SF3B3: variants seen among roughly 807,000 people sequenced by gnomAD.
The protein encoded by SF3B3 is splicing factor 3b subunit 3.
Under a neutral mutation model 139.2 loss-of-function variants are expected in SF3B3, and 33 were observed. That is an observed-to-expected ratio of 0.24 (90% CI 0.18 to 0.32). The LOEUF (loss-of-function observed/expected upper bound fraction) is 0.32. SF3B3 is among the 10% of genes least tolerant of loss of function. The probability of loss-of-function intolerance (pLI) is 1.00; values close to 1 mark genes in which losing one functional copy is unlikely to be tolerated. For missense variants in SF3B3, 818 were observed against 1,509.4 expected (o/e 0.54, Z 7.59); for synonymous variants, 596 against 563.6 (o/e 1.06, Z -0.81).
intron 10 of SF3B3, 113 bp downstream of exon 10, chr16:70,544,646 G>A (rs1346403296): frequency 5.9e-6 from 4 of 672,336 alleles, no homozygotes; most frequent in Middle Eastern, 2.6e-4. Context: ...CTGTGAAAAA[G>A]TATGTTCTTT....
chr16:70,567,869 T>G (rs1005317566), intron 21 of SF3B3, among the ~76,000 whole-genome samples: 3 of 152,164 alleles, frequency 2.0e-5, no homozygotes, highest in Non-Finnish European at 4.4e-5. Flanking sequence ...GTATCTTTAG[T>G]AGAGACAGGG....
At chr16:70,571,039 ACT>A in intron 24 of SF3B3, 54 bp from the exon 25 acceptor site, 2 of 1,155,538 alleles carry the variant, frequency 1.7e-6, no homozygotes, top group South Asian at 1.2e-5. Context: ...GCTTGTGGAA[ACT>A]CTAGACTAGT....
At chr16:70,549,480 G>A (rs1025234545) in intron 11 of SF3B3, among the ~76,000 whole-genome samples, 2 of 152,182 alleles carry the variant, frequency 1.3e-5, no homozygotes, top group South Asian at 4.1e-4. Flanking sequence ...AAGTTGGTCC[G>A]TGTTGGTGTT....
chr16:70,542,019 C>A (rs917181959), intron 9 of SF3B3, among the ~76,000 whole-genome samples, 185 bp downstream of exon 9: 1 of 152,080 alleles, frequency 6.6e-6, no homozygotes, highest in East Asian at 1.9e-4. Context: ...ACAAAACTCA[C>A]GTTTAATGTA....
chr16:70,544,784 G>A (rs1016714668), intron 10 of SF3B3, among the ~76,000 whole-genome samples: 1 of 150,178 alleles, frequency 6.7e-6, no homozygotes, highest in Non-Finnish European at 1.5e-5. Context: ...TTGACCTCTT[G>A]AGCTCAAGTG....
At position 70,544,424 on chromosome 16, in the gene SF3B3, T is replaced by A. The variant is rs751532315; in HGVS notation, c.1234-14T>A. ...ACTGGAGACATTTTTTCCTCTAACTTTTTCTCTGTGCAGATAGCTGATCTG... is the reference window on the plus strand; with the variant it reads ...ACTGGAGACATTTTTTCCTCTAACTATTTCTCTGTGCAGATAGCTGATCTG... On this transcript the variant is annotated splice_polypyrimidine_tract_variant and intron_variant, in intron 9 of 25. Coordinates refer to ENST00000302516, the MANE Select transcript of SF3B3 (RefSeq NM_012426.5). 3.2e-5 allele frequency: 51 copies of A among 1,569,950 alleles called. No homozygotes were observed. Among genetic ancestry groups the A allele is most frequent in the Middle Eastern group, 3.3e-4 (2 of 5,998 alleles).
intron 11 of SF3B3, among the ~76,000 whole-genome samples, chr16:70,548,664 T>C (rs552982907): frequency 2.0e-5 from 3 of 152,370 alleles, no homozygotes; most frequent in South Asian, 4.1e-4. Flanking sequence ...TTGGCTGTTA[T>C]ATTTTAGTAC....
At chr16:70,569,610 G>A (rs78782130) in intron 23 of SF3B3, among the ~76,000 whole-genome samples, 20,893 of 152,100 alleles carry the variant, frequency 0.14, 2,498 homozygotes, top group African/African-American at 0.32. Context: ...TAAAATATTT[G>A]TAGGGTTTAA....
At chr16:70,564,171 G>T in intron 18 of SF3B3, 121 bp downstream of exon 18, 3 of 975,388 alleles carry the variant, frequency 3.1e-6, no homozygotes, top group South Asian at 1.6e-5. Context: ...ACTAGTTCGA[G>T]ACCAGCCTGG....
At chr16:70,540,242 A>G (rs2050207039) in intron 8 of SF3B3, among the ~76,000 whole-genome samples, 1 of 151,448 alleles carries the variant, frequency 6.6e-6, no homozygotes, top group Non-Finnish European at 1.5e-5. Flanking sequence ...TAAAAGTACA[A>G]AATGAGCTGG....
intron 11 of SF3B3, 109 bp from the exon 12 acceptor site, chr16:70,554,337 C>A: frequency 9.9e-7 from 1 of 1,011,706 alleles, no homozygotes; most frequent in Non-Finnish European, 1.5e-6. Context: ...AATAACTACA[C>A]ATAGAAGAAC....
chr16:70,529,527 C>G (rs2050100608), intron 3 of SF3B3: 1 of 275,562 alleles, frequency 3.6e-6, no homozygotes, highest in East Asian at 8.3e-5. Flanking sequence ...AGTGATGATT[C>G]ACATTCATGT....
intron 11 of SF3B3, chr16:70,550,691 C>T (rs535725692): frequency 1.0e-6 from 1 of 984,738 alleles, no homozygotes; most frequent in East Asian, 1.1e-4. Flanking sequence ...GTGTACCTAA[C>T]TGCTAGGGTC....
chr16:70,538,494 T>G, intron 7 of SF3B3, 34 bp downstream of exon 7: 1 of 1,567,180 alleles, frequency 6.4e-7, no homozygotes, highest in Non-Finnish European at 8.7e-7. Flanking sequence ...GTATAGCTAC[T>G]CTATGAGATG....
Position 70,560,599 on chromosome 16 carries a change from A to G in SF3B3, c.2133+8A>G, listed in dbSNP as rs747700392. ...ATGCAAGGCCAGGAGGCAGTAAGTA[A>G]TGAAGGTTGGGGACAGGCAACATCT... On this transcript the variant is annotated splice_region_variant and intron_variant, in intron 16 of 25. Transcript: ENST00000302516. 1 of 1,612,894 alleles carries G rather than the reference A, an allele frequency of 6.2e-7. No homozygotes were observed.
At chr16:70,535,170 G>A (rs2050154837) in intron 5 of SF3B3, 138 bp from the exon 6 acceptor site, 1 of 540,752 alleles carries the variant, frequency 1.8e-6, no homozygotes, top group East Asian at 3.0e-5. Flanking sequence ...GAACATAAGG[G>A]AGGAGAAACA....
chr16:70,561,229 C>T (rs2050425535), intron 16 of SF3B3: 1 of 159,164 alleles, frequency 6.3e-6, no homozygotes. Flanking sequence ...CTATGTTGGC[C>T]AGGTTGGCCT....
In SF3B3 at chr16:70,571,213, A is replaced by T; in HGVS notation, c.3513+14A>T. 2 of 1,555,462 alleles carry T rather than the reference A, an allele frequency of 1.3e-6. No individual in the cohort carries two copies. Among genetic ancestry groups the T allele is most frequent in the Non-Finnish European group, 8.9e-7 (1 of 1,126,684 alleles). On this transcript the variant is annotated intron_variant, in intron 25 of 25. Transcript: ENST00000302516. ...TTCCCTGTGAAGGTAGGTTGGGGGA[A>T]TCTGAGCTGAAAAGGGAGATCTGAG...
At chr16:70,545,620 C>G (rs1021114389) in intron 10 of SF3B3, among the ~76,000 whole-genome samples, 5 of 152,204 alleles carry the variant, frequency 3.3e-5, no homozygotes, top group Non-Finnish European at 7.3e-5. Context: ...GAATGGCAAT[C>G]TGAGCTCTCA....
Sources: gnomAD v4.1 joint callset for allele counts (sites outside exome capture counted in the v4.1 genomes callset) on GRCh38, gnomAD v4.1.1 for gene constraint, MANE v1.5 for transcripts, NCBI Gene and HGNC (gene_info 2026-07-23, HGNC 2026-07-21) for gene names.